TRERF1: variants seen among roughly 807,000 people sequenced by gnomAD.
The protein encoded by TRERF1 is transcriptional regulating factor 1, also known as transcriptional-regulating factor 1.
TRERF1 carries 27 observed loss-of-function variants against 122.9 expected under a neutral mutation model. The observed-to-expected ratio is 0.22, with a 90% CI of 0.16 to 0.30. The LOEUF (loss-of-function observed/expected upper bound fraction) is 0.30. Ranked by LOEUF, TRERF1 falls within the 10% of genes least tolerant of loss-of-function variation. The pLI, the probability that TRERF1 is intolerant of heterozygous loss-of-function variation, is 1.00. For synonymous variants in TRERF1, 636 were observed against 641.7 expected, an observed-to-expected ratio of 0.99 and a Z score of 0.13; for missense variants, 1,248 against 1,560.3, an observed-to-expected ratio of 0.80 and a Z score of 3.37.
At chr6:42,392,933 C>CACACACAT (rs1778000215) in intron 2 of TRERF1, among the ~76,000 whole-genome samples, 1 of 146,544 alleles carries the variant, frequency 6.8e-6, no homozygotes, top group South Asian at 2.2e-4. Flanking sequence ...CACACACATA[C>CACACACAT]ACACACACAC....
At chr6:42,339,544 T>C (rs149658538) in intron 3 of TRERF1, among the ~76,000 whole-genome samples, 118 of 152,328 alleles carry the variant, frequency 7.7e-4, no homozygotes, top group African/African-American at 2.7e-3. Flanking sequence ...CAAAAAACAA[T>C]AAGCAAATTC....
intron 2 of TRERF1, among the ~76,000 whole-genome samples, chr6:42,397,140 T>C (rs1778732522): frequency 6.6e-6 from 1 of 151,930 alleles, no homozygotes; most frequent in Non-Finnish European, 1.5e-5. Context: ...CAAACTAAAA[T>C]TACACTGTAA....
intron 16 of TRERF1, among the ~76,000 whole-genome samples, chr6:42,233,549 T>C (rs1771280050): frequency 6.6e-6 from 1 of 151,942 alleles, no homozygotes; most frequent in South Asian, 2.1e-4. Flanking sequence ...CCTCCCAAAG[T>C]GCTGGGATTA....
At chr6:42,437,705 G>A (rs996480804) in intron 2 of TRERF1, among the ~76,000 whole-genome samples, 3 of 152,132 alleles carry the variant, frequency 2.0e-5, no homozygotes, top group Non-Finnish European at 4.4e-5. Flanking sequence ...CAGTCACCCA[G>A]GTCTGAGTTC....
chr6:42,339,463 C>A (rs59415873), intron 3 of TRERF1, among the ~76,000 whole-genome samples: 14,352 of 152,122 alleles, frequency 0.094, 1,027 homozygotes, highest in African/African-American at 0.2. Flanking sequence ...TCTTAATGTC[C>A]AATCAGTCCT....
rs1178252667 is a variant in TRERF1, at chr6:42,241,693, C to T, written c.2859+1555G>A. 2.0e-5 allele frequency among the ~76,000 whole-genome samples: 3 copies of T among 152,036 alleles called. No homozygotes were observed. The East Asian group carries it at 5.8e-4, about 30-fold the overall frequency. On this transcript the variant is annotated intron_variant, in intron 15 of 17. Coordinates refer to ENST00000372922, the Ensembl canonical transcript of TRERF1. ...GCCAGGCTGGTCTCGAACTCCTGAC[C>T]TTAGATGATCTGCCCACCTTGGCCT...
At chr6:42,368,739 T>C (rs9471845) in intron 2 of TRERF1, among the ~76,000 whole-genome samples, 24,904 of 152,104 alleles carry the variant, frequency 0.16, 4,076 homozygotes, top group African/African-American at 0.43. Context: ...AAAAAAGTAA[T>C]TATTTGATGT....
At chr6:42,344,828 C>T (rs1001608723) in intron 3 of TRERF1, among the ~76,000 whole-genome samples, 1 of 152,192 alleles carries the variant, frequency 6.6e-6, no homozygotes. Context: ...TTTTTTCCCA[C>T]AGCACTTATT....
chr6:42,228,591 A>T lies in TRERF1; in HGVS notation c.3357T>A (p.Ala1119=), dbSNP rs914503946. ...TCTCAGCTGCAAAAGCCGCCTTCTG[A>T]GCCTTTTGCCTCTGTTGTTCCTCCT... Residue 1119 remains alanine (A), a synonymous_variant, in exon 18 of 18, where the codon GCT becomes GCA. Coordinates refer to ENST00000372922, the Ensembl canonical transcript of TRERF1. This position sits in a 1 kb window ranked among gnomAD's most constrained non-coding sequence, Gnocchi z 4.2. 1.6e-5 allele frequency: 26 copies of T among 1,614,124 alleles called. No homozygotes were observed. Among genetic ancestry groups the T allele is most frequent in the Non-Finnish European group, 1.9e-5 (22 of 1,180,028 alleles).
intron 2 of TRERF1, among the ~76,000 whole-genome samples, chr6:42,380,091 C>G (rs1775654675): frequency 6.6e-6 from 1 of 151,978 alleles, no homozygotes; most frequent in Admixed American, 6.6e-5. Flanking sequence ...GTCAGCCATG[C>G]AGATACCTGG....
intron 2 of TRERF1, among the ~76,000 whole-genome samples, chr6:42,426,998 G>C (rs2151619927): frequency 6.6e-6 from 1 of 151,694 alleles, no homozygotes; most frequent in African/African-American, 2.4e-5. Flanking sequence ...TAATATATAA[G>C]AACTAAGGGC....
intron 3 of TRERF1, among the ~76,000 whole-genome samples, chr6:42,309,012 T>C (rs1268646946): frequency 2.6e-5 from 4 of 152,168 alleles, no homozygotes; most frequent in Non-Finnish European, 5.9e-5. Flanking sequence ...TTACCTAATA[T>C]ATATTTTTTC....
chr6:42,284,800 T>A (rs1477680982), intron 4 of TRERF1, among the ~76,000 whole-genome samples: 1 of 152,142 alleles, frequency 6.6e-6, no homozygotes, highest in Non-Finnish European at 1.5e-5. Flanking sequence ...ATGCTAGATG[T>A]CTCTGAACTA....
chr6:42,241,386 A>C (rs1307293603), intron 15 of TRERF1, among the ~76,000 whole-genome samples: 1 of 152,174 alleles, frequency 6.6e-6, no homozygotes, highest in Non-Finnish European at 1.5e-5. Context: ...GCTCAAATAT[A>C]AATGTATTTA....
chr6:42,353,620 G>A (rs990747811), intron 3 of TRERF1, among the ~76,000 whole-genome samples: 8 of 151,758 alleles, frequency 5.3e-5, no homozygotes, highest in Non-Finnish European at 8.8e-5. Flanking sequence ...GAAAAAAAAA[G>A]ACAACTCAGC....
intron 3 of TRERF1, among the ~76,000 whole-genome samples, chr6:42,348,120 T>C (rs1468836717): frequency 1.3e-5 from 2 of 152,164 alleles, no homozygotes; most frequent in African/African-American, 4.8e-5. Flanking sequence ...CTGTCCACAC[T>C]ATGAAGGTGG....
chr6:42,266,188 CTTTT>C (rs34950753), intron 5 of TRERF1, among the ~76,000 whole-genome samples: 2 of 128,110 alleles, frequency 1.6e-5, no homozygotes, highest in Admixed American at 8.0e-5. Context: ...TGATGGAATT[CTTTT>C]TTTTTTTTTT....
rs571785966 is a variant in TRERF1 at position 42,423,783 on chromosome 6, A to C, written c.-454+27394T>G. 9.2e-5 allele frequency among the ~76,000 whole-genome samples: 14 copies of C among 152,336 alleles called. No homozygotes were observed. The East Asian group carries it at 2.5e-3, about 27-fold the overall frequency. On this transcript the variant is annotated intron_variant, in intron 2 of 17. Transcript: ENST00000372922. Reference sequence around the variant, plus strand: ...ATGTCTACTCTGCCTTCAAAACCCAAGCTGACTCCTCCTTGATCCCATCTG... The same window carrying C: ...ATGTCTACTCTGCCTTCAAAACCCACGCTGACTCCTCCTTGATCCCATCTG...
At chr6:42,301,243 T>G (rs1185343089) in intron 3 of TRERF1, among the ~76,000 whole-genome samples, 2 of 151,406 alleles carry the variant, frequency 1.3e-5, no homozygotes, top group Admixed American at 1.3e-4. Context: ...GTTTTGTTTT[T>G]TTCTGAGACA....
Sources: gnomAD v4.1 joint callset for allele counts (sites outside exome capture counted in the v4.1 genomes callset) on GRCh38, gnomAD v4.1.1 for gene constraint, Gnocchi (gnomAD v3.1) non-coding constraint, MANE v1.5 for transcripts, NCBI Gene and HGNC (gene_info 2026-07-23, HGNC 2026-07-21) for gene names.